FAM186A: variants seen among roughly 807,000 people sequenced by gnomAD.
FAM186A encodes protein FAM186A.
Under a neutral mutation model 216.8 loss-of-function variants are expected in FAM186A, and 163 were observed. The ratio of observed to expected loss-of-function variants is 0.75; its 90% CI spans 0.66 to 0.86. The LOEUF (loss-of-function observed/expected upper bound fraction) is 0.86, where lower values mean the gene tolerates loss of function less well. Among genes scored for constraint, FAM186A ranks in the 40% least tolerant of loss-of-function variants. FAM186A has a pLI of 0.00. For synonymous variants in FAM186A, 805 were observed against 1,025.3 expected (o/e 0.79, Z 4.10); for missense variants, 2,184 against 2,746.2 (o/e 0.80, Z 4.58).
At position 50,351,645 on chromosome 12, in the gene FAM186A, T is replaced by TA; in HGVS notation, c.5186dup (p.Ser1730IlefsTer8). 1 of 1,551,576 alleles carries TA rather than the reference T, an allele frequency of 6.4e-7. No homozygotes were observed. Among genetic ancestry groups the TA allele is most frequent in the Non-Finnish European group, 8.7e-7 (1 of 1,146,902 alleles). ...GCCTAAGACTTGGAGACAATCTTGA[T>TA]ATGATGGATTGCCCAGTGGGGAGAG... On this transcript the variant is annotated frameshift_variant, in exon 4 of 8. Transcript: ENST00000327337. LOFTEE classifies it high-confidence loss of function.
intron 1 of FAM186A, among the ~76,000 whole-genome samples, chr12:50,370,143 A>AAAAAAAAAAAAAAAAAC (rs1943130130): frequency 6.7e-6 from 1 of 148,762 alleles, no homozygotes; most frequent in African/African-American, 2.5e-5. Flanking sequence ...AAAAAAAAAA[A>AAAAAAAAAAAAAAAAAC]AAAAGCAAAA....
chr12:50,367,686 C>T lies in FAM186A; in HGVS notation c.193-4322G>A, dbSNP rs868603185. On this transcript the variant is annotated intron_variant, in intron 1 of 7. Coordinates refer to ENST00000327337, the MANE Select transcript of FAM186A (RefSeq NM_001145475.3). ...AAGGATTACCCTCTGTGTGCATGTG[C>T]GTGCACACACACACACACACACACA... is the stretch of plus-strand genomic sequence containing the variant. Among the ~76,000 whole-genome samples, 148 of 27,130 alleles carry T rather than the reference C, an allele frequency of 5.5e-3. 1 individual carries two copies. Among genetic ancestry groups the T allele is most frequent in the Middle Eastern group, 0.028 (2 of 72 alleles). The allele number at this position is 27,130 out of a possible 152,430, so 17.8% of individuals were successfully genotyped here.
At chr12:50,375,974 G>A (rs1430287503) in intron 1 of FAM186A, among the ~76,000 whole-genome samples, 2 of 152,104 alleles carry the variant, frequency 1.3e-5, no homozygotes, top group African/African-American at 2.4e-5. Context: ...GAGCAAGCAA[G>A]TGCAGGGTCT....
intron 1 of FAM186A, among the ~76,000 whole-genome samples, chr12:50,369,092 C>T (rs576125869): frequency 6.6e-6 from 1 of 151,884 alleles, no homozygotes; most frequent in African/African-American, 2.4e-5. Context: ...AGACCTAACA[C>T]TTATAAAACA....
intron 7 of FAM186A, among the ~76,000 whole-genome samples, chr12:50,327,948 A>G (rs774158727): frequency 7.2e-5 from 11 of 152,188 alleles, no homozygotes; most frequent in Non-Finnish European, 1.3e-4. Context: ...ATTAGACAGT[A>G]TTCTTATACC....
At chr12:50,392,256 GTTGTTTGTTTGT>G (rs147405662) in intron 1 of FAM186A, 46 of 168,786 alleles carry the variant, frequency 2.7e-4, no homozygotes, top group East Asian at 1.5e-3. Context: ...TCACAGGTTT[GTTGTTTGTTTGT>G]TTGTTTGTTT....
chr12:50,367,516 C>CAAAAA (rs35171998), intron 1 of FAM186A, among the ~76,000 whole-genome samples: 6 of 89,712 alleles, frequency 6.7e-5, no homozygotes, highest in African/African-American at 8.6e-5. Context: ...GACTCTGTCT[C>CAAAAA]AAAAAAAAAA....
chr12:50,336,894 C>A (rs1020844240), intron 4 of FAM186A, among the ~76,000 whole-genome samples: 4 of 150,688 alleles, frequency 2.7e-5, no homozygotes, highest in Non-Finnish European at 5.9e-5. Context: ...TATATACATG[C>A]GTATATATAT....
rs760454770 is a variant in FAM186A, at chr12:50,355,870, T to C, written c.962A>G (p.Gln321Arg). Residue 321 changes from glutamine to arginine, a missense_variant, in exon 4 of 8, where the codon CAA becomes CGA. Transcript: ENST00000327337. ...TTGTTCACATTTTTCTTCTGCATCTTGAAGTTTCTGCTGAAGCATTTCATT... is the reference window on the plus strand; with the variant it reads ...TTGTTCACATTTTTCTTCTGCATCTCGAAGTTTCTGCTGAAGCATTTCATT... The part of the protein sequence containing the change: ...NENEMLQQKL[Q>R]DAEEKCEQLI... 29 of 1,551,166 alleles carry C rather than the reference T, an allele frequency of 1.9e-5. No homozygotes were observed. Among genetic ancestry groups the C allele is most frequent in the Non-Finnish European group, 2.5e-5 (29 of 1,146,956 alleles).
intron 1 of FAM186A, among the ~76,000 whole-genome samples, chr12:50,375,806 A>C (rs1943192545): frequency 1.3e-5 from 2 of 152,084 alleles, no homozygotes. Flanking sequence ...TGCCAGCCAG[A>C]AACCTCTGTG....
intron 4 of FAM186A, among the ~76,000 whole-genome samples, chr12:50,346,649 C>A (rs1189927292): frequency 6.6e-6 from 1 of 152,124 alleles, no homozygotes; most frequent in Non-Finnish European, 1.5e-5. Context: ...AGATCGAGAC[C>A]ATCCTGGCTA....
chr12:50,342,867 G>A (rs950529333), intron 4 of FAM186A, among the ~76,000 whole-genome samples: 1 of 151,532 alleles, frequency 6.6e-6, no homozygotes, highest in African/African-American at 2.4e-5. Context: ...GAACTCCTGG[G>A]CTCAAGCAGT....
At chr12:50,376,565 T>C (rs1159794627) in intron 1 of FAM186A, among the ~76,000 whole-genome samples, 2 of 151,396 alleles carry the variant, frequency 1.3e-5, no homozygotes, top group African/African-American at 4.9e-5. Context: ...AAGTCTGGGG[T>C]TTTTATGGGC....
intron 1 of FAM186A, chr12:50,365,782 TGTGATCC>T (rs1943081758): frequency 1.3e-6 from 1 of 756,336 alleles, no homozygotes; most frequent in Admixed American, 1.7e-5. Flanking sequence ...AAGTACAACA[TGTGATCC>T]GTGCCCATCT....
intron 1 of FAM186A, among the ~76,000 whole-genome samples, chr12:50,369,333 C>CA (rs887102812): frequency 3.3e-4 from 50 of 150,758 alleles, no homozygotes; most frequent in African/African-American, 1.0e-3. Flanking sequence ...ACTAAAAATA[C>CA]AAAAAAAATT....
In FAM186A at chr12:50,350,344, A is replaced by C; in HGVS notation, c.6488T>G (p.Leu2163Arg). ...YLFRKYIAYR[L>R]IQHARNNIMK... is the part of the protein sequence containing the mutation. Reference sequence around the variant, plus strand: ...TTATATCTACCTGGCATGCTGGATCAGCCTATAGGCAATGTACTTGCGGAA... The same window carrying C: ...TTATATCTACCTGGCATGCTGGATCCGCCTATAGGCAATGTACTTGCGGAA... The change falls in exon 4 of 8, where the codon CTG becomes CGG. Residue 2163 changes from leucine (L) to arginine (R), a missense_variant. By Grantham distance (102) the Leu-to-Arg change is moderately radical. Around this residue, in one of 7 missense-constraint regions of FAM186A, gnomAD observed 721 missense variants for 816.4 expected, o/e 0.88. Transcript: ENST00000327337. The C allele has an allele frequency of 6.5e-7, 1 of 1,537,446 alleles. No homozygotes were observed. The highest frequency in any genetic ancestry group is 1.4e-5 in the African/African-American group (1 of 72,500).
chr12:50,350,925 G>C lies in FAM186A; in HGVS notation c.5907C>G (p.Ile1969Met). 6.4e-7 allele frequency: 1 copy of C among 1,551,454 alleles called. No homozygotes were observed. The highest frequency in any genetic ancestry group is 8.7e-7 in the Non-Finnish European group (1 of 1,146,918). ...ISSLKSKSVL[I>M]HPSAPDFKVA... Reference sequence around the variant, plus strand: ...CCTTGAAATCTGGAGCACTAGGATGGATCAATACTGATTTAGATTTCAGAG... The same window carrying C: ...CCTTGAAATCTGGAGCACTAGGATGCATCAATACTGATTTAGATTTCAGAG... The change falls in exon 4 of 8, where the codon ATC becomes ATG. Residue 1969 changes from isoleucine (I) to methionine (M), a missense_variant. Ile to Met is a conservative substitution (Grantham distance 10). Transcript: ENST00000327337.
Position 50,355,837 on chromosome 12 carries a change from C to A in FAM186A, c.995G>T (p.Arg332Leu). The change falls in exon 4 of 8, where the codon CGA (arginine) becomes CTA (leucine). Residue 332 changes from arginine to leucine, a missense_variant. Arg to Leu is a moderately radical substitution (Grantham distance 102, BLOSUM62 -2). This residue lies in a region of FAM186A where 1,132 missense variants were observed against 1,263.4 expected (regional missense o/e 0.90). Coordinates refer to ENST00000327337, the MANE Select transcript of FAM186A (RefSeq NM_001145475.3). ...DAEEKCEQLI[R>L]SKIVIEQLYA... ...TAGTTGTTCTATAACAATTTTGGAT[C>A]GAATAAGTTGTTCACATTTTTCTTC... 1 of 1,551,090 alleles carries A rather than the reference C, an allele frequency of 6.4e-7. No homozygotes were observed. The highest frequency in any genetic ancestry group is 8.7e-7 in the Non-Finnish European group (1 of 1,146,926).
At chr12:50,360,314 T>C (rs1943020642) in intron 3 of FAM186A, among the ~76,000 whole-genome samples, 1 of 150,546 alleles carries the variant, frequency 6.6e-6, no homozygotes, top group Non-Finnish European at 1.5e-5. Context: ...TGGTGATAAA[T>C]GCACAACTCT....
Sources: gnomAD v4.1 joint callset for allele counts (sites outside exome capture counted in the v4.1 genomes callset) on GRCh38, gnomAD v4.1.1 for gene constraint, gnomAD v4.1.1 regional missense constraint, MANE v1.5 for transcripts, NCBI Gene and HGNC (gene_info 2026-07-23, HGNC 2026-07-21) for gene names.